The following MAP7D1 variants were observed in gnomAD, a reference collection of about 807,000 sequenced individuals.
MAP7D1 encodes MAP7 domain-containing protein 1.
In MAP7D1, 30 loss-of-function variants were observed where a neutral mutation model predicts 97.5. The ratio of observed to expected loss-of-function variants is 0.31; its 90% CI spans 0.23 to 0.42. The LOEUF is 0.42. MAP7D1 is among the 10% of genes least tolerant of loss of function. The probability of loss-of-function intolerance (pLI) is 1.00; values close to 1 mark genes in which losing one functional copy is unlikely to be tolerated. For missense variants in MAP7D1, 1,184 were observed against 1,179.5 expected, an observed-to-expected ratio of 1.00 and a Z score of -0.06; for synonymous variants, 536 against 477.1, an observed-to-expected ratio of 1.12 and a Z score of -1.61.
chr1:36,168,278 AGT>A (rs1644497573), intron 1 of MAP7D1, among the ~76,000 whole-genome samples: 1 of 141,952 alleles, frequency 7.0e-6, no homozygotes, highest in South Asian at 2.2e-4. Flanking sequence ...CTGGCAACAG[AGT>A]GAGACTCCAT....
chr1:36,164,648 G>A lies in MAP7D1; in HGVS notation c.47-6323G>A, dbSNP rs533857104. Among the ~76,000 whole-genome samples the A allele has an allele frequency of 2.3e-3, 356 of 152,292 alleles. 1 individual carries two copies. The highest frequency in any genetic ancestry group is 7.9e-3 in the African/African-American group (327 of 41,562). On this transcript the variant is annotated intron_variant, in intron 1 of 16. Transcript: ENST00000474796. The stretch of plus-strand genomic sequence containing the variant: ...CAGGGTAGGAGAGGAGATCCAAGAA[G>A]TAGGGGGAGGGAGTCAGGAACTTCA...
In MAP7D1 at chr1:36,178,183, C is replaced by A; in HGVS notation, c.1690C>A (p.Pro564Thr). 6.4e-7 allele frequency: 1 copy of A among 1,571,582 alleles called. No individual in the cohort carries two copies. Among genetic ancestry groups the A allele is most frequent in the East Asian group, 2.3e-5 (1 of 43,326 alleles). Reference sequence around the variant, plus strand: ...AGCCCCGCCCCAGAAGGAGCAGCCCCCCGCGGAGACCCCTACAGGTAGGAA... The same window carrying A: ...AGCCCCGCCCCAGAAGGAGCAGCCCACCGCGGAGACCCCTACAGGTAGGAA... ...TPAPPQKEQP[P>T]AETPTDAAVL... The change falls in exon 9 of 17, where the codon CCC (proline) becomes ACC (threonine). Residue 564 changes from proline to threonine, a missense_variant. Pro to Thr is a conservative substitution (Grantham distance 38, BLOSUM62 -1). Transcript: ENST00000474796.
At chr1:36,179,828 C>A in intron 15 of MAP7D1, 46 bp from the exon 16 acceptor site, 1 of 1,578,704 alleles carries the variant, frequency 6.3e-7, no homozygotes, top group Non-Finnish European at 8.6e-7. Context: ...GTGGCCTGGG[C>A]TTTCCTGGGA....
chr1:36,165,522 G>T (rs1323608918), intron 1 of MAP7D1, among the ~76,000 whole-genome samples: 1 of 149,110 alleles, frequency 6.7e-6, no homozygotes, highest in Non-Finnish European at 1.5e-5. Flanking sequence ...GAGTACAGCA[G>T]CATGCTCATA....
chr1:36,174,855 C>A, intron 5 of MAP7D1, 43 bp from the exon 6 acceptor site: 1 of 1,284,324 alleles, frequency 7.8e-7, no homozygotes, highest in Non-Finnish European at 1.1e-6. Flanking sequence ...CCCACTGGCT[C>A]CTGCCGGGCC....
Position 36,176,796 on chromosome 1 carries a change from G to A in MAP7D1, c.1333G>A (p.Ala445Thr), listed in dbSNP as rs1225133723. ...RSLKKRQSLP[A>T]SPRARLSAST... The stretch of plus-strand genomic sequence containing the variant: ...CCTCAAGAAGCGCCAGTCGCTGCCC[G>A]CCTCCCCACGTGCCCGCCTCTCTGC... The change falls in exon 8 of 17, where the codon GCC (alanine) becomes ACC (threonine). Residue 445 changes from alanine (A) to threonine (T), a missense_variant. By Grantham distance (58) the Ala-to-Thr change is moderately conservative (BLOSUM62 0). Transcript: ENST00000474796. This position sits in a 1 kb window ranked among gnomAD's most constrained non-coding sequence, Gnocchi z 6.1. The A allele has an allele frequency of 1.9e-6, 3 of 1,594,518 alleles. No homozygotes were observed. Among genetic ancestry groups the A allele is most frequent in the African/African-American group, 2.7e-5 (2 of 74,628 alleles).
chr1:36,174,528 T>C (rs1252695777), intron 5 of MAP7D1, among the ~76,000 whole-genome samples: 2 of 152,150 alleles, frequency 1.3e-5, no homozygotes, highest in African/African-American at 2.4e-5. Flanking sequence ...TACGGGGGTG[T>C]TGTATCCAAA....
rs1644331607 is a variant in MAP7D1 at position 36,156,522 on chromosome 1, C to G, written c.46+59C>G. 4 of 1,322,170 alleles carry G rather than the reference C, an allele frequency of 3.0e-6. No individual in the cohort carries two copies. The South Asian group carries it at 5.4e-5, about 18-fold the overall frequency. 81.9% of individuals were successfully genotyped at this position (1,322,170 alleles called of 1,614,324 possible). A position where few individuals can be genotyped will look rare whatever the true frequency, so the allele number is the denominator to read the frequency against. On this transcript the variant is annotated intron_variant, in intron 1 of 16. Coordinates refer to ENST00000474796, the MANE Select transcript of MAP7D1 (RefSeq NM_001388490.1). ...GTAGATGGAGGGGCTGCAGGGCGGC[C>G]GAGGATGAGGCCGGCCGGCTGGGCG...
chr1:36,178,900 G>C (rs750277882), intron 11 of MAP7D1, 21 bp from the exon 12 acceptor site: 2 of 1,551,318 alleles, frequency 1.3e-6, no homozygotes, highest in African/African-American at 2.7e-5. Flanking sequence ...AGTGCCCCAC[G>C]CTCATGGGGG....
chr1:36,167,467 A>G (rs1464150228), intron 1 of MAP7D1, among the ~76,000 whole-genome samples: 1 of 152,156 alleles, frequency 6.6e-6, no homozygotes, highest in Non-Finnish European at 1.5e-5. Flanking sequence ...AGTGGGGGTA[A>G]GGCCTGGCTG....
chr1:36,179,689 C>T lies in MAP7D1; in HGVS notation c.2251C>T (p.Arg751Trp), dbSNP rs764457027. The change falls in exon 15 of 17, where the codon CGG becomes TGG. Residue 751 changes from arginine to tryptophan, a missense_variant. Arg to Trp is a moderately radical substitution (Grantham distance 101). Coordinates refer to ENST00000474796, the MANE Select transcript of MAP7D1 (RefSeq NM_001388490.1). Reference sequence around the variant, plus strand: ...AGAGCCTGTGAAAGCTGTGGAGGCTCGGTCCCCAGGGCTGCAGAAGGAGGC... The same window carrying T: ...AGAGCCTGTGAAAGCTGTGGAGGCTTGGTCCCCAGGGCTGCAGAAGGAGGC... The part of the protein sequence containing the change: ...SPEPVKAVEA[R>W]SPGLQKEAVQ... 23 of 1,524,606 alleles carry T rather than the reference C, an allele frequency of 1.5e-5. No individual in the cohort carries two copies. Among genetic ancestry groups the T allele is most frequent in the Admixed American group, 8.5e-5 (4 of 47,160 alleles). 94.4% of individuals were successfully genotyped at this position (1,524,606 alleles called of 1,614,324 possible). A position where few individuals can be genotyped will look rare whatever the true frequency, so the allele number is the denominator to read the frequency against.
chr1:36,166,960 T>A (rs1223071989), intron 1 of MAP7D1, among the ~76,000 whole-genome samples: 1 of 152,104 alleles, frequency 6.6e-6, no homozygotes, highest in African/African-American at 2.4e-5. Context: ...TGGGGGAAGA[T>A]CAGCAGCTCA....
At chr1:36,163,530 G>C (rs1169798860) in intron 1 of MAP7D1, among the ~76,000 whole-genome samples, 1 of 152,196 alleles carries the variant, frequency 6.6e-6, no homozygotes, top group Non-Finnish European at 1.5e-5. Flanking sequence ...CCATAACACT[G>C]TGCCAATGAC....
At chr1:36,178,325 C>T in intron 9 of MAP7D1, 94 bp from the exon 10 acceptor site, 3 of 1,483,958 alleles carry the variant, frequency 2.0e-6, no homozygotes, top group Non-Finnish European at 2.7e-6. Context: ...AGACTCCTGC[C>T]CTCAGCAGTC....
At chr1:36,165,308 A>C (rs1361035348) in intron 1 of MAP7D1, among the ~76,000 whole-genome samples, 1 of 151,844 alleles carries the variant, frequency 6.6e-6, no homozygotes. Context: ...TTTTTAGTTG[A>C]GATAGGGTCT....
Position 36,178,993 on chromosome 1 carries a change from C to A in MAP7D1, c.2098C>A (p.Gln700Lys), listed in dbSNP as rs1644674586. The A allele has an allele frequency of 6.4e-7, 1 of 1,556,654 alleles. No individual in the cohort carries two copies. Among genetic ancestry groups the A allele is most frequent in the Non-Finnish European group, 8.7e-7 (1 of 1,151,074 alleles). ...QRLEREKHFQ[Q>K]QEQERQERRK... Reference sequence around the variant, plus strand: ...TCTGGAGCGGGAAAAGCACTTCCAGCAGCAGGAGCAAGAGCGGCAAGAGCG... The same window carrying A: ...TCTGGAGCGGGAAAAGCACTTCCAGAAGCAGGAGCAAGAGCGGCAAGAGCG... Residue 700 changes from glutamine to lysine, a missense_variant, in exon 12 of 17, where the codon CAG becomes AAG. By Grantham distance (53) the Gln-to-Lys change is moderately conservative. Transcript: ENST00000474796.
rs1438587100 is a variant in MAP7D1 at position 36,178,911 on chromosome 1, T to A, written c.2026-10T>A. ...GTCAAGTGCCCCACGCTCATGGGGG[T>A]CTTTGGCAGAAAGAGGAGGCCGAAG... On this transcript the variant is annotated splice_polypyrimidine_tract_variant and intron_variant, in intron 11 of 16. Coordinates refer to ENST00000474796, the MANE Select transcript of MAP7D1 (RefSeq NM_001388490.1). 1 of 1,550,988 alleles carries A rather than the reference T, an allele frequency of 6.4e-7. No homozygotes were observed. The highest frequency in any genetic ancestry group is 2.0e-5 in the Admixed American group (1 of 50,984).
In MAP7D1 at chr1:36,177,925, G is replaced by T. The variant is rs773042016; in HGVS notation, c.1432G>T (p.Ala478Ser). ...TCCCTCCACATCCTGGCACAGGCCT[G>T]CCTCCCCCTGCCCCAGCCCAGGGCC... ...SSPSTSWHRP[A>S]SPCPSPGPGH... The change falls in exon 9 of 17, where the codon GCC becomes TCC. Residue 478 changes from alanine (A) to serine (S), a missense_variant. Physicochemically the swap from Ala to Ser is moderately conservative, Grantham distance 99. Transcript: ENST00000474796. The T allele has an allele frequency of 6.4e-7, 1 of 1,568,748 alleles. No individual in the cohort carries two copies. Among genetic ancestry groups the T allele is most frequent in the Non-Finnish European group, 8.7e-7 (1 of 1,155,624 alleles).
rs1468829989 is a variant in MAP7D1, at chr1:36,159,594, C to T, written c.46+3131C>T. On this transcript the variant is annotated intron_variant, in intron 1 of 16. Transcript: ENST00000474796. The surrounding 1 kb of genome is among the most constrained non-coding windows in gnomAD (Gnocchi z 5.4). ...GCTATCCAGCACACCCATGCTGATG[C>T]CCCACCTTATGCCAGCTCGGTGTAG... 6.6e-6 allele frequency among the ~76,000 whole-genome samples: 1 copy of T among 152,156 alleles called. No homozygotes were observed. The highest frequency in any genetic ancestry group is 1.9e-4 in the East Asian group (1 of 5,204).
Sources: allele counts gnomAD v4.1 joint callset (sites outside exome capture counted in the v4.1 genomes callset), GRCh38; gene constraint gnomAD v4.1.1; non-coding constraint Gnocchi (gnomAD v3.1); transcripts MANE v1.5; gene names NCBI Gene and HGNC (gene_info 2026-07-23, HGNC 2026-07-21).